The following REC114 variants were observed in gnomAD, a reference collection of about 807,000 sequenced individuals.
REC114 encodes the protein REC114 meiotic recombination protein.
REC114 carries 27 observed loss-of-function variants against 31.3 expected under a neutral mutation model. That is an observed-to-expected ratio of 0.86 (90% CI 0.64 to 1.19). The LOEUF is 1.19. Among genes scored for constraint, REC114 ranks in the 50% most tolerant of loss-of-function variants. REC114 has a pLI of 0.00. For synonymous variants in REC114, 134 were observed against 127.7 expected (o/e 1.05, Z -0.33); for missense variants, 344 against 326.9 (o/e 1.05, Z -0.40).
intron 5 of REC114, 93 bp from the exon 6 acceptor site, chr15:73,559,659 T>C: frequency 8.2e-7 from 1 of 1,224,348 alleles, no homozygotes; most frequent in South Asian, 2.0e-5. Flanking sequence ...TGTATTTCGC[T>C]AATCTTTCCT....
At chr15:73,444,371 A>G (rs1226689292) in intron 1 of REC114, among the ~76,000 whole-genome samples, 1 of 152,220 alleles carries the variant, frequency 6.6e-6, no homozygotes. Context: ...TGCTTTATCA[A>G]CTAAGTTTAT....
intron 2 of REC114, among the ~76,000 whole-genome samples, chr15:73,531,312 A>G (rs750871163): frequency 1.3e-5 from 2 of 152,110 alleles, no homozygotes; most frequent in Non-Finnish European, 2.9e-5. Flanking sequence ...GATTGTGTAC[A>G]TCTTATCTGT....
intron 1 of REC114, among the ~76,000 whole-genome samples, chr15:73,461,142 GT>G (rs988379010): frequency 1.8e-4 from 27 of 146,692 alleles, no homozygotes; most frequent in African/African-American, 4.2e-4. Flanking sequence ...TATTGCTATT[GT>G]TTTTTTTTTA....
chr15:73,506,741 A>G (rs1456121022), intron 2 of REC114, among the ~76,000 whole-genome samples: 2 of 152,150 alleles, frequency 1.3e-5, no homozygotes, highest in East Asian at 3.8e-4. Context: ...GAGGCAAATA[A>G]CTCTATCAAA....
chr15:73,499,147 C>A (rs1893568943), intron 2 of REC114, among the ~76,000 whole-genome samples: 1 of 152,016 alleles, frequency 6.6e-6, no homozygotes, highest in South Asian at 2.1e-4. Context: ...TAAAGAAACA[C>A]CTCTTAAGGC....
intron 1 of REC114, among the ~76,000 whole-genome samples, chr15:73,460,167 T>C (rs1595860786): frequency 6.6e-6 from 1 of 152,234 alleles, no homozygotes; most frequent in Non-Finnish European, 1.5e-5. Context: ...CTTAATTTTA[T>C]TGTGTAACAG....
intron 2 of REC114, among the ~76,000 whole-genome samples, chr15:73,516,475 G>A (rs1036220429): frequency 1.4e-4 from 22 of 152,178 alleles, no homozygotes; most frequent in South Asian, 2.1e-4. Context: ...CCAAGGTATG[G>A]AAAGATCTCC....
chr15:73,468,068 C>T (rs1893085797), intron 1 of REC114, among the ~76,000 whole-genome samples: 1 of 152,166 alleles, frequency 6.6e-6, no homozygotes, highest in Admixed American at 6.5e-5. Flanking sequence ...TAATTCAGGG[C>T]TATCCCTCCA....
At chr15:73,476,422 A>C (rs1226859303) in intron 2 of REC114, among the ~76,000 whole-genome samples, 1 of 152,162 alleles carries the variant, frequency 6.6e-6, no homozygotes, top group African/African-American at 2.4e-5. Context: ...AGCACCTAGA[A>C]ACCATTGATC....
At chr15:73,488,808 T>G (rs1893407634) in intron 2 of REC114, among the ~76,000 whole-genome samples, 1 of 152,200 alleles carries the variant, frequency 6.6e-6, no homozygotes, top group Admixed American at 6.5e-5. Context: ...TAATGCTGTG[T>G]TCATAGCAAT....
chr15:73,535,348 C>T (rs1894140221), intron 2 of REC114, among the ~76,000 whole-genome samples: 1 of 152,192 alleles, frequency 6.6e-6, no homozygotes, highest in Non-Finnish European at 1.5e-5. Context: ...GATACAAAAT[C>T]AGTGTGCAAA....
chr15:73,554,989 A>G (rs1894444757), intron 4 of REC114, among the ~76,000 whole-genome samples: 1 of 152,218 alleles, frequency 6.6e-6, no homozygotes, highest in Non-Finnish European at 1.5e-5. Context: ...TTGTCTAAGG[A>G]CTATTGATTA....
chr15:73,444,282 T>A (rs1333935290), intron 1 of REC114, among the ~76,000 whole-genome samples: 4 of 152,242 alleles, frequency 2.6e-5, no homozygotes, highest in Non-Finnish European at 5.9e-5. Flanking sequence ...CTCTGTAGCA[T>A]GCAATGCTGT....
intron 1 of REC114, among the ~76,000 whole-genome samples, chr15:73,455,512 CAA>C (rs1379844478): frequency 2.0e-5 from 3 of 151,876 alleles, no homozygotes; most frequent in Non-Finnish European, 2.9e-5. Context: ...AATGTCAACT[CAA>C]GAGAAAAAAT....
At chr15:73,463,235 G>A (rs1048188234) in intron 1 of REC114, among the ~76,000 whole-genome samples, 3 of 151,866 alleles carry the variant, frequency 2.0e-5, no homozygotes, top group African/African-American at 7.3e-5. Flanking sequence ...TCTTCCTTGC[G>A]GTTTAAGAAA....
At chr15:73,535,685 C>T (rs1485973696) in intron 2 of REC114, among the ~76,000 whole-genome samples, 1 of 144,652 alleles carries the variant, frequency 6.9e-6, no homozygotes, top group Non-Finnish European at 1.5e-5. Flanking sequence ...CTTTAAAGTT[C>T]ATATGGAACC....
At chr15:73,456,730 G>A (rs1892920483) in intron 1 of REC114, among the ~76,000 whole-genome samples, 1 of 152,074 alleles carries the variant, frequency 6.6e-6, no homozygotes, top group Non-Finnish European at 1.5e-5. Context: ...CAGGTTCAGT[G>A]GCTTTCCCAG....
chr15:73,473,130 C>T (rs549534368), intron 1 of REC114, among the ~76,000 whole-genome samples: 18 of 152,308 alleles, frequency 1.2e-4, no homozygotes, highest in African/African-American at 4.3e-4. Flanking sequence ...TGGCTCACGC[C>T]TGTAATCCCA....
chr15:73,491,303 A>AATTTTGTGTATTATCTTT (rs1893442440), intron 2 of REC114, among the ~76,000 whole-genome samples: 1 of 5,384 alleles, frequency 1.9e-4, no homozygotes, highest in African/African-American at 4.0e-4. Context: ...GTATTTTCTT[A>AATTTTGTGTATTATCTTT]ATTTCTTTTT....
Sources: gnomAD v4.1 joint callset for allele counts (sites outside exome capture counted in the v4.1 genomes callset) on GRCh38, gnomAD v4.1.1 for gene constraint, MANE v1.5 for transcripts, NCBI Gene and HGNC (gene_info 2026-07-23, HGNC 2026-07-21) for gene names.